The following GPR39 variants were observed in gnomAD, a reference collection of about 807,000 sequenced individuals.
GPR39 encodes zinc sensing receptor.
GPR39 carries 23 observed loss-of-function variants against 18.4 expected under a neutral mutation model. The observed-to-expected ratio is 1.25, with a 90% CI of 0.90 to 1.77. The LOEUF (loss-of-function observed/expected upper bound fraction) is 1.77, where lower values mean the gene tolerates loss of function less well. Ranked by LOEUF, GPR39 falls within the 40% of genes most tolerant of loss-of-function variation. The pLI, the probability that GPR39 is intolerant of heterozygous loss-of-function variation, is 0.00. For missense variants in GPR39, 647 were observed against 602.4 expected, an observed-to-expected ratio of 1.07 and a Z score of -0.78; for synonymous variants, 280 against 257.9, an observed-to-expected ratio of 1.09 and a Z score of -0.82.
At chr2:132,583,536 AG>A (rs1336931968) in intron 1 of GPR39, among the ~76,000 whole-genome samples, 1 of 151,982 alleles carries the variant, frequency 6.6e-6, no homozygotes, top group Admixed American at 6.6e-5. Flanking sequence ...GAATGATGGG[AG>A]AAGGGGGAGT....
At chr2:132,513,738 G>T (rs1399456148) in intron 1 of GPR39, among the ~76,000 whole-genome samples, 1 of 152,004 alleles carries the variant, frequency 6.6e-6, no homozygotes, top group Non-Finnish European at 1.5e-5. Flanking sequence ...TTTTAGATGG[G>T]GTCACTCTGG....
At chr2:132,562,784 G>A (rs1285891865) in intron 1 of GPR39, among the ~76,000 whole-genome samples, 3 of 152,078 alleles carry the variant, frequency 2.0e-5, no homozygotes, top group Admixed American at 6.5e-5. Context: ...CTGCATGAAT[G>A]AAGGTATCCA....
At chr2:132,518,885 A>G (rs553119198) in intron 1 of GPR39, among the ~76,000 whole-genome samples, 121 of 152,330 alleles carry the variant, frequency 7.9e-4, no homozygotes, top group Non-Finnish European at 1.5e-3. Context: ...TTTATGGTAC[A>G]TCTCCAGTAC....
At chr2:132,491,779 C>T (rs1424884527) in intron 1 of GPR39, among the ~76,000 whole-genome samples, 1 of 151,832 alleles carries the variant, frequency 6.6e-6, no homozygotes, top group Admixed American at 6.6e-5. Context: ...GATTCCAGTC[C>T]TAGCTTCACA....
intron 1 of GPR39, among the ~76,000 whole-genome samples, chr2:132,472,783 G>C (rs1681056629): frequency 6.6e-6 from 1 of 152,086 alleles, no homozygotes; most frequent in South Asian, 2.1e-4. Flanking sequence ...TTATGACTTG[G>C]TGGATATAGT....
At chr2:132,614,490 C>T (rs532554861) in intron 1 of GPR39, among the ~76,000 whole-genome samples, 2 of 152,234 alleles carry the variant, frequency 1.3e-5, no homozygotes, top group East Asian at 3.9e-4. Flanking sequence ...CCACATACCT[C>T]GGCCTCCCAA....
chr2:132,512,459 TTCTGGGTGTGC>T (rs929089387), intron 1 of GPR39, among the ~76,000 whole-genome samples: 4 of 152,146 alleles, frequency 2.6e-5, no homozygotes, highest in African/African-American at 4.8e-5. Flanking sequence ...CAAGGGTGTG[TTCTGGGTGTGC>T]TTGGTGGTTA....
At chr2:132,533,566 G>A (rs550101542) in intron 1 of GPR39, among the ~76,000 whole-genome samples, 1 of 151,972 alleles carries the variant, frequency 6.6e-6, no homozygotes, top group Admixed American at 6.6e-5. Context: ...GAACAAAGCT[G>A]GAGGCATCCC....
Position 132,527,375 on chromosome 2 carries a change from A to G in GPR39, c.856+109477A>G, listed in dbSNP as rs368662283. On this transcript the variant is annotated intron_variant, in intron 1 of 1. Transcript: ENST00000329321. Reference sequence around the variant, plus strand: ...TTTGGGTTGGTTCTTTGTCTTTGCTATTGTAAATAGTGCTGCAGTAAACAT... The same window carrying G: ...TTTGGGTTGGTTCTTTGTCTTTGCTGTTGTAAATAGTGCTGCAGTAAACAT... Among the ~76,000 whole-genome samples, 50 of 152,282 alleles carry G rather than the reference A, an allele frequency of 3.3e-4. 2 individuals are homozygous for G. In the East Asian group the frequency reaches 5.6e-3, roughly 17 times the overall value.
At chr2:132,552,672 C>T (rs559147589) in intron 1 of GPR39, among the ~76,000 whole-genome samples, 59 of 151,742 alleles carry the variant, frequency 3.9e-4, no homozygotes, top group African/African-American at 1.2e-3. Flanking sequence ...TCTGGAAGTT[C>T]GGCATCCTTG....
chr2:132,564,876 G>A (rs1322611832), intron 1 of GPR39, among the ~76,000 whole-genome samples: 11 of 136,578 alleles, frequency 8.1e-5, no homozygotes, highest in African/African-American at 2.4e-4. Flanking sequence ...GAGTACAGTG[G>A]CATGATCTAG....
At chr2:132,540,846 C>T (rs939487743) in intron 1 of GPR39, among the ~76,000 whole-genome samples, 3 of 152,152 alleles carry the variant, frequency 2.0e-5, no homozygotes, top group Non-Finnish European at 2.9e-5. Context: ...GGGCTGGATT[C>T]TGTCCTCCAG....
chr2:132,502,175 T>C (rs945557166), intron 1 of GPR39, among the ~76,000 whole-genome samples: 2 of 152,206 alleles, frequency 1.3e-5, no homozygotes, highest in Non-Finnish European at 2.9e-5. Context: ...ATAGGTCCTG[T>C]GAGAATTATG....
At chr2:132,460,133 T>C (rs903287468) in intron 1 of GPR39, among the ~76,000 whole-genome samples, 6 of 152,214 alleles carry the variant, frequency 3.9e-5, no homozygotes, top group African/African-American at 1.2e-4. Flanking sequence ...CTAGTATAAC[T>C]TCCTAGCAAT....
chr2:132,492,887 C>CAT (rs1471372511), intron 1 of GPR39, among the ~76,000 whole-genome samples: 10 of 135,156 alleles, frequency 7.4e-5, no homozygotes, highest in Admixed American at 6.7e-4. Context: ...ATATATACAC[C>CAT]ATATATATAC....
intron 1 of GPR39, among the ~76,000 whole-genome samples, chr2:132,421,354 A>G (rs900281512): frequency 6.6e-6 from 1 of 152,236 alleles, no homozygotes. Flanking sequence ...TTTAATTTGT[A>G]TAATAACTTT....
intron 1 of GPR39, among the ~76,000 whole-genome samples, chr2:132,582,255 G>T (rs1680636720): frequency 6.6e-6 from 1 of 152,220 alleles, no homozygotes; most frequent in East Asian, 1.9e-4. Context: ...AAGAGGCTGG[G>T]CTATAGATTA....
At chr2:132,545,856 C>A (rs1006576525) in intron 1 of GPR39, among the ~76,000 whole-genome samples, 2 of 152,098 alleles carry the variant, frequency 1.3e-5, no homozygotes, top group African/African-American at 2.4e-5. Flanking sequence ...ACTAAGTTTG[C>A]GTAACAAGAG....
At chr2:132,629,165 G>A (rs1230264191) in intron 1 of GPR39, among the ~76,000 whole-genome samples, 2 of 152,234 alleles carry the variant, frequency 1.3e-5, no homozygotes, top group African/African-American at 4.8e-5. Context: ...ATGGAGACTG[G>A]TGATAAGGCT....
Sources: gnomAD v4.1 joint callset for allele counts (sites outside exome capture counted in the v4.1 genomes callset) on GRCh38, gnomAD v4.1.1 for gene constraint, MANE v1.5 for transcripts, NCBI Gene and HGNC (gene_info 2026-07-23, HGNC 2026-07-21) for gene names.